SPPL3: variants seen among roughly 807,000 people sequenced by gnomAD.
The protein encoded by SPPL3 is signal peptide peptidase like 3, also known as signal peptide peptidase-like 3.
A neutral mutation model predicts 42.4 loss-of-function variants in SPPL3; 5 were observed. That is an observed-to-expected ratio of 0.12 (90% CI 0.06 to 0.25). SPPL3 has a LOEUF of 0.25. Among genes scored for constraint, SPPL3 ranks in the 10% least tolerant of loss-of-function variants. The pLI is 1.00. For missense variants in SPPL3, 235 were observed against 489.0 expected, an observed-to-expected ratio of 0.48 and a Z score of 4.90; for synonymous variants, 195 against 181.8, an observed-to-expected ratio of 1.07 and a Z score of -0.58.
At chr12:120,871,923 T>A (rs1872945280) in intron 1 of SPPL3, among the ~76,000 whole-genome samples, 1 of 152,172 alleles carries the variant, frequency 6.6e-6, no homozygotes. Flanking sequence ...AGTGTTTGGA[T>A]CTGGGATTTT....
At chr12:120,903,410 C>T (rs1465790218) in intron 1 of SPPL3, 1 of 180,300 alleles carries the variant, frequency 5.5e-6, no homozygotes, top group African/African-American at 2.4e-5. Context: ...CCTGTTCTCA[C>T]TAGAGCTTCC....
chr12:120,870,965 TAAAACACAAA>T (rs1872900211), intron 1 of SPPL3, among the ~76,000 whole-genome samples: 1 of 150,658 alleles, frequency 6.6e-6, no homozygotes, highest in Non-Finnish European at 1.5e-5. Flanking sequence ...TTGTCTCTAC[TAAAACACAAA>T]AAAAAACAGC....
intron 1 of SPPL3, among the ~76,000 whole-genome samples, chr12:120,878,266 T>C (rs570215617): frequency 2.0e-5 from 3 of 152,172 alleles, no homozygotes; most frequent in African/African-American, 4.8e-5. Context: ...TACCAGAATA[T>C]CATGAAGATT....
chr12:120,841,244 G>A (rs2137026032), intron 1 of SPPL3, among the ~76,000 whole-genome samples: 1 of 152,080 alleles, frequency 6.6e-6, no homozygotes, highest in African/African-American at 2.4e-5. Flanking sequence ...AGAATCGGTT[G>A]AACCCGGGAG....
At chr12:120,770,551 G>C (rs533088665) in intron 6 of SPPL3, among the ~76,000 whole-genome samples, 2 of 152,182 alleles carry the variant, frequency 1.3e-5, no homozygotes, top group South Asian at 4.2e-4. Context: ...CACAGTAATC[G>C]ACCTGTCCTC....
chr12:120,765,160 A>G, intron 10 of SPPL3, 90 bp from the exon 11 acceptor site: 1 of 1,272,456 alleles, frequency 7.9e-7, no homozygotes, highest in Non-Finnish European at 1.1e-6. Flanking sequence ...TTTTTTTTCC[A>G]GGTATGAAGT....
intron 1 of SPPL3, among the ~76,000 whole-genome samples, chr12:120,879,733 T>G (rs1242730948): frequency 6.6e-6 from 1 of 152,030 alleles, no homozygotes; most frequent in Non-Finnish European, 1.5e-5. Context: ...AACTATAAAA[T>G]CTTGGGTAAG....
chr12:120,823,213 G>A (rs1871123629), intron 1 of SPPL3, among the ~76,000 whole-genome samples: 1 of 84,808 alleles, frequency 1.2e-5, no homozygotes, highest in African/African-American at 3.3e-5. Context: ...TGTGTGTGGG[G>A]GTGGGGGGTG....
chr12:120,903,403 G>A, intron 1 of SPPL3: 1 of 168,700 alleles, frequency 5.9e-6, no homozygotes, highest in Non-Finnish European at 1.3e-5. Flanking sequence ...TCTATCACCT[G>A]TTCTCACTAG....
At chr12:120,800,678 A>G (rs1455658797) in intron 2 of SPPL3, among the ~76,000 whole-genome samples, 1 of 152,128 alleles carries the variant, frequency 6.6e-6, no homozygotes, top group Non-Finnish European at 1.5e-5. Context: ...ATCAACTATG[A>G]CTGAACAGGA....
intron 1 of SPPL3, among the ~76,000 whole-genome samples, chr12:120,836,658 T>C (rs1350693132): frequency 6.6e-6 from 1 of 152,130 alleles, no homozygotes; most frequent in East Asian, 1.9e-4. Context: ...TGCCAGGAGT[T>C]AGGGACCGGA....
chr12:120,793,149 C>A (rs1267157164), intron 2 of SPPL3, among the ~76,000 whole-genome samples: 1 of 152,166 alleles, frequency 6.6e-6, no homozygotes, highest in Admixed American at 6.5e-5. Flanking sequence ...AGAAGATACA[C>A]AAATAGCCAA....
intron 1 of SPPL3, among the ~76,000 whole-genome samples, chr12:120,866,610 T>G (rs1872761418): frequency 6.6e-6 from 1 of 152,230 alleles, no homozygotes; most frequent in Non-Finnish European, 1.5e-5. Context: ...AATAATGTAT[T>G]TCTTCTATTC....
intron 1 of SPPL3, among the ~76,000 whole-genome samples, chr12:120,845,897 T>C (rs1022161715): frequency 4.0e-5 from 6 of 151,746 alleles, no homozygotes; most frequent in African/African-American, 1.5e-4. Flanking sequence ...TATCTATCTA[T>C]CTATCTATCT....
intron 1 of SPPL3, among the ~76,000 whole-genome samples, chr12:120,893,068 G>A (rs1360708994): frequency 6.6e-6 from 1 of 151,644 alleles, no homozygotes; most frequent in Admixed American, 6.6e-5. Context: ...ACACACTAAG[G>A]ACTCCTCTGA....
intron 1 of SPPL3, chr12:120,845,121 C>A: frequency 2.4e-6 from 1 of 417,630 alleles, no homozygotes; most frequent in South Asian, 2.2e-5. Flanking sequence ...ACTTCTGGTT[C>A]CGGAGCGGAC....
At chr12:120,814,867 C>T (rs1870814228) in intron 1 of SPPL3, among the ~76,000 whole-genome samples, 1 of 152,148 alleles carries the variant, frequency 6.6e-6, no homozygotes, top group Non-Finnish European at 1.5e-5. Context: ...CTCTACCCCC[C>T]TTTTACAATA....
intron 1 of SPPL3, among the ~76,000 whole-genome samples, chr12:120,896,168 A>G (rs565359515): frequency 1.3e-5 from 2 of 152,310 alleles, no homozygotes; most frequent in African/African-American, 4.8e-5. Context: ...TAAGGTCTCT[A>G]TTAGGCTAAG....
intron 1 of SPPL3, among the ~76,000 whole-genome samples, chr12:120,854,435 A>G (rs987165602): frequency 4.6e-5 from 7 of 152,202 alleles, no homozygotes; most frequent in Admixed American, 2.6e-4. Context: ...TGGAGAAGTA[A>G]GCAAGCCAAC....
Sources: allele counts gnomAD v4.1 joint callset (sites outside exome capture counted in the v4.1 genomes callset), GRCh38; gene constraint gnomAD v4.1.1; transcripts MANE v1.5; gene names NCBI Gene and HGNC (gene_info 2026-07-23, HGNC 2026-07-21).